SOX5: variants seen among roughly 807,000 people sequenced by gnomAD.
The protein encoded by SOX5 is SRY-box transcription factor 5, also known as transcription factor SOX-5.
In SOX5, 9 loss-of-function variants were observed where a neutral mutation model predicts 92.0. The observed-to-expected ratio is 0.10, with a 90% CI of 0.06 to 0.17. The LOEUF (loss-of-function observed/expected upper bound fraction) is 0.17, where lower values mean the gene tolerates loss of function less well. SOX5 is among the 10% of genes least tolerant of loss of function. The pLI, the probability that SOX5 is intolerant of heterozygous loss-of-function variation, is 1.00. For missense variants in SOX5, 642 were observed against 944.5 expected, an observed-to-expected ratio of 0.68 and a Z score of 4.20; for synonymous variants, 344 against 336.3, an observed-to-expected ratio of 1.02 and a Z score of -0.25.
chr12:23,696,203 AT>A (rs935762011), intron 6 of SOX5, among the ~76,000 whole-genome samples: 42 of 150,416 alleles, frequency 2.8e-4, no homozygotes, highest in South Asian at 1.1e-3. Flanking sequence ...TAAAATTGGC[AT>A]TTTTTTTTCT....
At chr12:24,046,244 T>G (rs1184520670) in intron 4 of SOX5, among the ~76,000 whole-genome samples, 2 of 147,966 alleles carry the variant, frequency 1.4e-5, no homozygotes, top group Admixed American at 1.4e-4. Context: ...AGAAGAGAAT[T>G]TCTAAAAGGT....
At chr12:23,786,156 G>A (rs2095373292) in intron 3 of SOX5, among the ~76,000 whole-genome samples, 1 of 151,880 alleles carries the variant, frequency 6.6e-6, no homozygotes, top group Admixed American at 6.5e-5. Context: ...GTGAAGTTTT[G>A]TTATAATAGG....
chr12:23,901,312 G>A (rs1159805785), intron 1 of SOX5, among the ~76,000 whole-genome samples: 1 of 152,144 alleles, frequency 6.6e-6, no homozygotes, highest in Non-Finnish European at 1.5e-5. Flanking sequence ...TAGAAGAAAT[G>A]TGGACCTGAC....
At chr12:24,340,946 G>A (rs747594445) in intron 2 of SOX5, among the ~76,000 whole-genome samples, 12 of 152,272 alleles carry the variant, frequency 7.9e-5, no homozygotes, top group South Asian at 6.2e-4. Flanking sequence ...CTGATCCAAT[G>A]TATAAATTTA....
At chr12:24,061,180 A>T (rs1939620184) in intron 4 of SOX5, among the ~76,000 whole-genome samples, 1 of 152,088 alleles carries the variant, frequency 6.6e-6, no homozygotes, top group Non-Finnish European at 1.5e-5. Context: ...TTGGATAAAA[A>T]AGGACGAAGA....
chr12:24,435,356 T>C (rs1430593164), intron 1 of SOX5, among the ~76,000 whole-genome samples: 2 of 152,236 alleles, frequency 1.3e-5, no homozygotes, highest in Non-Finnish European at 2.9e-5. Flanking sequence ...CACTTCCTAG[T>C]ACATGAGCCA....
chr12:23,540,085 T>C (rs1420911223), intron 13 of SOX5, among the ~76,000 whole-genome samples: 1 of 118,972 alleles, frequency 8.4e-6, no homozygotes, highest in Non-Finnish European at 1.9e-5. Context: ...ATATTTTGGA[T>C]AAACAACAAT....
In SOX5 at chr12:24,434,429, C is replaced by T. The variant is rs375776274; in HGVS notation, c.-250-65790G>A. ...TGAAATGCAAAAAGCTCAGCTATTA[C>T]TACCACCAACTCCTGTATACGCTCT... On this transcript the variant is annotated intron_variant, in intron 1 of 4. Transcript: ENST00000446891. 6.3e-4 allele frequency among the ~76,000 whole-genome samples: 96 copies of T among 152,284 alleles called. 2 individuals carry two copies. The South Asian group carries it at 0.019, about 30-fold the overall frequency.
intron 4 of SOX5, among the ~76,000 whole-genome samples, chr12:24,053,116 G>C (rs534324158): frequency 6.6e-6 from 1 of 151,240 alleles, no homozygotes; most frequent in Non-Finnish European, 1.5e-5. Flanking sequence ...TCTTTACTTT[G>C]ATATGTGGTA....
At chr12:24,469,135 G>A (rs985857418) in intron 1 of SOX5, among the ~76,000 whole-genome samples, 5 of 152,134 alleles carry the variant, frequency 3.3e-5, no homozygotes, top group Admixed American at 1.3e-4. Flanking sequence ...AGATACTGAC[G>A]GATCATCAGG....
At chr12:23,739,779 T>A (rs926926594) in intron 5 of SOX5, among the ~76,000 whole-genome samples, 4 of 152,196 alleles carry the variant, frequency 2.6e-5, no homozygotes, top group Admixed American at 1.3e-4. Context: ...AGATCCCAGC[T>A]CAACTGCCAA....
intron 1 of SOX5, among the ~76,000 whole-genome samples, chr12:24,381,068 A>G (rs1170676070): frequency 6.6e-6 from 1 of 152,212 alleles, no homozygotes; most frequent in Non-Finnish European, 1.5e-5. Flanking sequence ...AGTGTGGCCT[A>G]CGGAGGGCAT....
intron 2 of SOX5, among the ~76,000 whole-genome samples, chr12:23,880,244 T>G (rs986987453): frequency 6.6e-6 from 1 of 152,170 alleles, no homozygotes; most frequent in African/African-American, 2.4e-5. Context: ...CTTAAAGTGA[T>G]TTAACACCTA....
intron 4 of SOX5, among the ~76,000 whole-genome samples, chr12:24,050,612 G>A (rs954084726): frequency 2.0e-5 from 3 of 152,090 alleles, no homozygotes; most frequent in Non-Finnish European, 2.9e-5. Context: ...ACAGAAAATA[G>A]GTAACTATCC....
chr12:23,647,314 A>G (rs568800944), intron 7 of SOX5, among the ~76,000 whole-genome samples: 1 of 152,354 alleles, frequency 6.6e-6, no homozygotes, highest in Non-Finnish European at 1.5e-5. Flanking sequence ...CACGCTGTCA[A>G]TAGATGTGCT....
intron 3 of SOX5, among the ~76,000 whole-genome samples, chr12:23,762,972 T>C (rs929688259): frequency 6.6e-6 from 1 of 152,202 alleles, no homozygotes; most frequent in African/African-American, 2.4e-5. Context: ...TTTTCTTATA[T>C]AGACTACAAC....
At chr12:24,059,859 G>A (rs1253056743) in intron 4 of SOX5, among the ~76,000 whole-genome samples, 3 of 152,232 alleles carry the variant, frequency 2.0e-5, no homozygotes, top group Non-Finnish European at 4.4e-5. Flanking sequence ...TACTGTGGGA[G>A]AAAGACATGG....
intron 3 of SOX5, among the ~76,000 whole-genome samples, chr12:23,777,405 T>A (rs1317647513): frequency 1.1e-4 from 16 of 152,278 alleles, no homozygotes; most frequent in Admixed American, 4.6e-4. Context: ...TATCAAAAGT[T>A]ACAGGGAACT....
intron 4 of SOX5, among the ~76,000 whole-genome samples, chr12:24,031,373 T>C (rs994372446): frequency 6.6e-6 from 1 of 151,700 alleles, no homozygotes; most frequent in African/African-American, 2.4e-5. Context: ...TATTTGACCA[T>C]TAAAAAAAGA....
Sources: allele counts gnomAD v4.1 joint callset (sites outside exome capture counted in the v4.1 genomes callset), GRCh38; gene constraint gnomAD v4.1.1; transcripts MANE v1.5; gene names NCBI Gene and HGNC (gene_info 2026-07-23, HGNC 2026-07-21).